Variants in SRSF7 observed in about 807,000 individuals in gnomAD.
SRSF7 encodes serine and arginine rich splicing factor 7, also known as serine/arginine-rich splicing factor 7.
SRSF7 carries 15 observed loss-of-function variants against 42.2 expected under a neutral mutation model. The observed-to-expected ratio is 0.36, with a 90% CI of 0.24 to 0.55. SRSF7 has a LOEUF of 0.55. SRSF7 is among the 20% of genes least tolerant of loss of function. The pLI, the probability that SRSF7 is intolerant of heterozygous loss-of-function variation, is 0.88. For missense variants in SRSF7, 181 were observed against 305.9 expected, an observed-to-expected ratio of 0.59 and a Z score of 3.04; for synonymous variants, 138 against 107.9, an observed-to-expected ratio of 1.28 and a Z score of -1.73.
chr2:38,749,648 T>C lies in SRSF7; in HGVS notation c.267A>G (p.Ser89=). The C allele has an allele frequency of 2.5e-6, 4 of 1,602,188 alleles. No homozygotes were observed. Among genetic ancestry groups the C allele is most frequent in the Non-Finnish European group, 2.5e-6 (3 of 1,176,660 alleles). ...VELSTGMPRR[S]RFDRPPARRP... The stretch of plus-strand genomic sequence containing the variant: ...GTCGGGCAGGTGGTCTATCAAAACG[T>C]GATCTCCGAGGCATGCCTGTCGATA... The change falls in exon 3 of 8, where the codon TCA becomes TCG. Residue 89 remains serine, a synonymous_variant. Transcript: ENST00000313117.
chr2:38,748,328 TACAAAA>T (rs1667790028), intron 4 of SRSF7, among the ~76,000 whole-genome samples, 171 bp from the exon 5 acceptor site: 1 of 151,960 alleles, frequency 6.6e-6, no homozygotes, highest in South Asian at 2.1e-4. Flanking sequence ...AGACCATTTC[TACAAAA>T]ATAAAAATTA....
At chr2:38,748,784 C>CT in intron 3 of SRSF7, 131 bp from the exon 4 acceptor site, 3 of 1,226,796 alleles carry the variant, frequency 2.4e-6, no homozygotes, top group Admixed American at 5.4e-5. Context: ...AACTCTGGGC[C>CT]TATTAGTTGT....
At position 38,749,714 on chromosome 2, in the gene SRSF7, AG is replaced by A; in HGVS notation, c.210-10del. The A allele has an allele frequency of 6.5e-7, 1 of 1,532,506 alleles. No individual in the cohort carries two copies. The highest frequency in any genetic ancestry group is 1.4e-5 in the African/African-American group (1 of 71,836). The allele number at this position is 1,532,506 out of a possible 1,614,324, so 94.9% of individuals were successfully genotyped here. A position where few individuals can be genotyped will look rare whatever the true frequency, so the allele number is the denominator to read the frequency against. ...GGGAGCCACAAATCACCCTAATAAA[AG>A]CAAATTAACAAAATTCTAAAGTTAA... On this transcript the variant is annotated splice_polypyrimidine_tract_variant and intron_variant, in intron 2 of 7. Coordinates refer to ENST00000313117, the MANE Select transcript of SRSF7 (RefSeq NM_001031684.3).
In SRSF7 at chr2:38,746,125, A is replaced by C. The variant is rs758453460; in HGVS notation, c.662+19T>G. ...CCACACTTGACAGGCAAGATTTGGCAACAAAACATTTAGCTTACCTTCTTT... is the reference window on the plus strand; with the variant it reads ...CCACACTTGACAGGCAAGATTTGGCCACAAAACATTTAGCTTACCTTCTTT... On this transcript the variant is annotated intron_variant, in intron 7 of 7. Coordinates refer to ENST00000313117, the MANE Select transcript of SRSF7 (RefSeq NM_001031684.3). 1.2e-6 allele frequency: 2 copies of C among 1,614,118 alleles called. No homozygotes were observed. Among genetic ancestry groups the C allele is most frequent in the Non-Finnish European group, 1.7e-6 (2 of 1,179,966 alleles).
In SRSF7 at chr2:38,751,347, T is replaced by G; in HGVS notation, c.-91A>C. 6.3e-7 allele frequency: 1 copy of G among 1,583,444 alleles called. No individual in the cohort carries two copies. On this transcript the variant is annotated 5_prime_UTR_variant, in exon 1 of 8. Coordinates refer to ENST00000313117, the MANE Select transcript of SRSF7 (RefSeq NM_001031684.3). ...GACACACACCTTCACCCGCCAAGAG[T>G]CCCGGCGGCACTACGAGGAAGAGCC...
intron 6 of SRSF7, among the ~76,000 whole-genome samples, chr2:38,746,403 C>A (rs537670777): frequency 7.2e-5 from 11 of 152,304 alleles, no homozygotes; most frequent in African/African-American, 2.6e-4. Flanking sequence ...TTACATTCTG[C>A]TTTAAGCACA....
In SRSF7 at chr2:38,745,080, C is replaced by G; in HGVS notation, c.*53G>C. On this transcript the variant is annotated 3_prime_UTR_variant, in exon 8 of 8. Coordinates refer to ENST00000313117, the MANE Select transcript of SRSF7 (RefSeq NM_001031684.3). Reference sequence around the variant, plus strand: ...TACACTTTACAGACATCACAAATCCCTTATAATAATGTAAACAAAATAACT... The same window carrying G: ...TACACTTTACAGACATCACAAATCCGTTATAATAATGTAAACAAAATAACT... The G allele has an allele frequency of 2.5e-6, 4 of 1,578,370 alleles. No homozygotes were observed. Among genetic ancestry groups the G allele is most frequent in the Non-Finnish European group, 3.5e-6 (4 of 1,149,152 alleles).
Position 38,744,638 on chromosome 2 carries a change from G to C in SRSF7, c.*495C>G. Reference sequence around the variant, plus strand: ...ACTTCAAACGGATTAGCTAACTTAAGGATCTGTCATGATGCATTCAGGCTG... The same window carrying C: ...ACTTCAAACGGATTAGCTAACTTAACGATCTGTCATGATGCATTCAGGCTG... On this transcript the variant is annotated 3_prime_UTR_variant, in exon 8 of 8. Transcript: ENST00000313117. The C allele has an allele frequency of 6.5e-6, 1 of 154,260 alleles. No individual in the cohort carries two copies. Among genetic ancestry groups the C allele is most frequent in the Non-Finnish European group, 1.4e-5 (1 of 69,434 alleles). 9.6% of individuals were successfully genotyped at this position (154,260 alleles called of 1,614,324 possible).
At chr2:38,746,001 G>A in intron 7 of SRSF7, 143 bp downstream of exon 7, 6 of 699,918 alleles carry the variant, frequency 8.6e-6, no homozygotes, top group East Asian at 2.8e-5. Context: ...AAAAAAAAAA[G>A]TATTTCAGAA....
At chr2:38,745,297 T>C (rs970143571) in intron 7 of SRSF7, 110 bp from the exon 8 acceptor site, 25 of 1,070,286 alleles carry the variant, frequency 2.3e-5, no homozygotes, top group East Asian at 9.6e-5. Context: ...TAATTTCCTA[T>C]AGCAAAGACC....
Position 38,751,314 on chromosome 2 carries a change from C to G in SRSF7, c.-58G>C. ...AGCAGCGCCCAGGGCTCGAGTGACG[C>G]AAAAGCTGACACACACCTTCACCCG... On this transcript the variant is annotated 5_prime_UTR_variant, in exon 1 of 8. Coordinates refer to ENST00000313117, the MANE Select transcript of SRSF7 (RefSeq NM_001031684.3). 6.2e-7 allele frequency: 1 copy of G among 1,611,964 alleles called. No homozygotes were observed. Among genetic ancestry groups the G allele is most frequent in the Non-Finnish European group, 8.5e-7 (1 of 1,178,628 alleles).
intron 7 of SRSF7, 31 bp downstream of exon 7, chr2:38,746,113 G>T (rs778837878): frequency 6.2e-7 from 1 of 1,613,650 alleles, no homozygotes; most frequent in East Asian, 2.2e-5. Context: ...CACTTGACAG[G>T]CAAGATTTGG....
At chr2:38,747,488 T>C (rs1304222904) in intron 5 of SRSF7, among the ~76,000 whole-genome samples, 1 of 152,196 alleles carries the variant, frequency 6.6e-6, no homozygotes, top group Non-Finnish European at 1.5e-5. Flanking sequence ...TTTACAATTT[T>C]TTCCATTCTA....
At position 38,749,584 on chromosome 2, in the gene SRSF7, C is replaced by T; in HGVS notation, c.331G>A (p.Glu111Lys). Reference protein sequence around the residue: ...DPNDRCYECGEKGHYAYDCHR... With the variant: ...DPNDRCYECGKKGHYAYDCHR... Reference sequence around the variant, plus strand: ...CAATCATAAGCATAATGTCCCTTTTCGCCACACTCATAGCATCTATCATTT... The same window carrying T: ...CAATCATAAGCATAATGTCCCTTTTTGCCACACTCATAGCATCTATCATTT... Residue 111 changes from glutamate to lysine, a missense_variant, in exon 3 of 8, where the codon GAA becomes AAA. Around this residue, in one of 2 missense-constraint regions of SRSF7, gnomAD observed 45 missense variants for 158.1 expected, o/e 0.28. Coordinates refer to ENST00000313117, the MANE Select transcript of SRSF7 (RefSeq NM_001031684.3). The T allele has an allele frequency of 6.3e-7, 1 of 1,599,166 alleles. No individual in the cohort carries two copies. The highest frequency in any genetic ancestry group is 1.1e-5 in the South Asian group (1 of 87,460).
chr2:38,748,606 C>G lies in SRSF7; in HGVS notation c.434G>C (p.Arg145Pro). 3 of 1,614,182 alleles carry G rather than the reference C, an allele frequency of 1.9e-6. No individual in the cohort carries two copies. Among genetic ancestry groups the G allele is most frequent in the Non-Finnish European group, 2.5e-6 (3 of 1,180,024 alleles). The change falls in exon 4 of 8, where the codon CGC (arginine) becomes CCC (proline). Residue 145 changes from arginine to proline, a missense_variant. Transcript: ENST00000313117. ...TCGTCCCCTGCTCCTGCTGCGTGAG[C>G]GAGAGTATCGCCTTCCTCTGGATCG... ...HSRSRGRRYS[R>P]SRSRSRGRRS...
In SRSF7 at chr2:38,743,886, C is replaced by T; in HGVS notation, c.*1247G>A. The T allele has an allele frequency of 3.6e-5, 5 of 140,056 alleles. No individual in the cohort carries two copies. The highest frequency in any genetic ancestry group is 6.1e-5 in the Non-Finnish European group (4 of 65,514). 8.7% of individuals were successfully genotyped at this position (140,056 alleles called of 1,614,324 possible). ...TAAAATGGACAAGCCTAGGTATCTG[C>T]GCAACCAGCAGGTTTTTTTTTTTTT... is the stretch of plus-strand genomic sequence containing the variant. On this transcript the variant is annotated 3_prime_UTR_variant, in exon 8 of 8. Transcript: ENST00000313117.
At chr2:38,749,945 T>G in intron 2 of SRSF7, 69 bp downstream of exon 2, 1 of 1,495,470 alleles carries the variant, frequency 6.7e-7, no homozygotes, top group South Asian at 1.3e-5. Context: ...GAATCCAAAT[T>G]TAGCACTAAG....
Position 38,743,682 on chromosome 2 carries a change from CAGAT to C in SRSF7, c.*1447_*1450del. The C allele has an allele frequency of 9.2e-4, 140 of 152,742 alleles. No homozygotes were observed. The highest frequency in any genetic ancestry group is 3.1e-3 in the African/African-American group (128 of 41,576). 9.5% of individuals were successfully genotyped at this position (152,742 alleles called of 1,614,324 possible). ...AACAATTAAAGCTAACCAAGTGCAACAGATAAATAAGCCTGCCAGTTATACACAT... is the reference window on the plus strand; with the variant it reads ...AACAATTAAAGCTAACCAAGTGCAACAAATAAGCCTGCCAGTTATACACAT... On this transcript the variant is annotated 3_prime_UTR_variant, in exon 8 of 8. Transcript: ENST00000313117.
chr2:38,750,237 C>G (rs1262326008), intron 1 of SRSF7, 43 bp from the exon 2 acceptor site: 5 of 1,549,616 alleles, frequency 3.2e-6, no homozygotes, highest in Non-Finnish European at 3.5e-6. Flanking sequence ...TACGCAAAAT[C>G]TGGCCCAAGT....
Sources: gnomAD v4.1 joint callset for allele counts (sites outside exome capture counted in the v4.1 genomes callset) on GRCh38, gnomAD v4.1.1 for gene constraint, gnomAD v4.1.1 regional missense constraint, MANE v1.5 for transcripts, NCBI Gene and HGNC (gene_info 2026-07-23, HGNC 2026-07-21) for gene names.